Variants in HEATR5A observed in about 807,000 individuals in gnomAD.
HEATR5A encodes HEAT repeat-containing protein 5A.
In HEATR5A, 178 loss-of-function variants were observed where a neutral mutation model predicts 218.8. That is an observed-to-expected ratio of 0.81 (90% CI 0.72 to 0.92). HEATR5A has a LOEUF of 0.92. Ranked by LOEUF, HEATR5A falls within the 40% of genes least tolerant of loss-of-function variation. HEATR5A has a pLI of 0.00. For synonymous variants in HEATR5A, 864 were observed against 871.6 expected (o/e 0.99, Z 0.15); for missense variants, 2,420 against 2,418.9 (o/e 1.00, Z -0.01).
chr14:31,319,062 TC>T (rs1156969348), intron 25 of HEATR5A, among the ~76,000 whole-genome samples: 1 of 152,244 alleles, frequency 6.6e-6, no homozygotes, highest in Non-Finnish European at 1.5e-5. Context: ...TAATTGTATT[TC>T]TAGCACTTGC....
chr14:31,358,842 T>C (rs1433031063), intron 15 of HEATR5A, 30 bp from the exon 16 acceptor site: 2 of 1,609,950 alleles, frequency 1.2e-6, no homozygotes, highest in African/African-American at 2.7e-5. Context: ...TATAAGGTTT[T>C]AAAATCACTG....
At chr14:31,321,383 C>CT in intron 25 of HEATR5A, 116 bp downstream of exon 25, 1 of 684,234 alleles carries the variant, frequency 1.5e-6, no homozygotes, top group Non-Finnish European at 2.3e-6. Flanking sequence ...TCAAAGCTAC[C>CT]TACCCGCCTT....
At chr14:31,307,657 C>G (rs893252126) in intron 30 of HEATR5A, among the ~76,000 whole-genome samples, 14 of 152,164 alleles carry the variant, frequency 9.2e-5, no homozygotes, top group Non-Finnish European at 1.9e-4. Flanking sequence ...AATATAGAAC[C>G]CTCCCATCAT....
At chr14:31,309,765 G>C (rs530074291) in intron 28 of HEATR5A, among the ~76,000 whole-genome samples, 1 of 151,388 alleles carries the variant, frequency 6.6e-6, no homozygotes. Flanking sequence ...GCAGTGGCGT[G>C]ATGTCGGCTC....
intron 4 of HEATR5A, among the ~76,000 whole-genome samples, chr14:31,397,065 T>G (rs189026072): frequency 6.6e-6 from 1 of 152,298 alleles, no homozygotes; most frequent in East Asian, 1.9e-4. Flanking sequence ...CTTCAATCTT[T>G]TAGGAAACTA....
At chr14:31,320,673 T>A (rs1900068081) in intron 25 of HEATR5A, 1 of 543,432 alleles carries the variant, frequency 1.8e-6, no homozygotes, top group Non-Finnish European at 3.4e-6. Flanking sequence ...GTCTCAGCAC[T>A]CAGCTTCCCC....
intron 13 of HEATR5A, among the ~76,000 whole-genome samples, chr14:31,368,554 C>T (rs755698431): frequency 6.6e-6 from 1 of 151,288 alleles, no homozygotes; most frequent in Non-Finnish European, 1.5e-5. Flanking sequence ...TTTTTTGGAA[C>T]TGGGGTCTCA....
intron 6 of HEATR5A, among the ~76,000 whole-genome samples, chr14:31,391,206 G>C (rs2030440311): frequency 6.6e-6 from 1 of 152,156 alleles, no homozygotes; most frequent in African/African-American, 2.4e-5. Context: ...TCAACTCACT[G>C]AAACCTCTGC....
chr14:31,374,074 G>A (rs989639157), intron 12 of HEATR5A, among the ~76,000 whole-genome samples: 1 of 152,044 alleles, frequency 6.6e-6, no homozygotes, highest in African/African-American at 2.4e-5. Flanking sequence ...GGGAGGCTGA[G>A]GTGGGAGGAC....
chr14:31,412,679 T>C (rs542830467), intron 1 of HEATR5A, among the ~76,000 whole-genome samples: 1 of 151,966 alleles, frequency 6.6e-6, no homozygotes, highest in Admixed American at 6.6e-5. Flanking sequence ...TCACCTGAGG[T>C]CAGGAGTTCC....
At chr14:31,315,990 A>C (rs1899899627) in intron 26 of HEATR5A, 41 bp from the exon 27 acceptor site, 4 of 1,452,738 alleles carry the variant, frequency 2.8e-6, no homozygotes, top group Non-Finnish European at 3.7e-6. Context: ...TAAAATTATA[A>C]GTATCTCCCT....
intron 2 of HEATR5A, among the ~76,000 whole-genome samples, chr14:31,401,262 AT>A (rs2139306160): frequency 6.6e-6 from 1 of 152,112 alleles, no homozygotes; most frequent in Non-Finnish European, 1.5e-5. Context: ...AAGGGGGTGG[AT>A]TTCACCCATG....
At chr14:31,408,788 A>G (rs1734007436) in intron 1 of HEATR5A, among the ~76,000 whole-genome samples, 1 of 151,188 alleles carries the variant, frequency 6.6e-6, no homozygotes, top group African/African-American at 2.4e-5. Context: ...CCAGCAGGGC[A>G]CCAATATTCT....
intron 28 of HEATR5A, among the ~76,000 whole-genome samples, chr14:31,311,317 A>C (rs1252558448): frequency 6.6e-6 from 1 of 152,224 alleles, no homozygotes; most frequent in African/African-American, 2.4e-5. Flanking sequence ...TAAAAGGCAA[A>C]ACTGTAAAGC....
At chr14:31,330,861 C>A (rs759249690) in intron 22 of HEATR5A, among the ~76,000 whole-genome samples, 1 of 151,922 alleles carries the variant, frequency 6.6e-6, no homozygotes, top group African/African-American at 2.4e-5. Flanking sequence ...GAATTTCTCC[C>A]CAGAAAATGG....
intron 18 of HEATR5A, among the ~76,000 whole-genome samples, chr14:31,349,560 G>A (rs1901143592): frequency 6.6e-6 from 1 of 152,102 alleles, no homozygotes; most frequent in African/African-American, 2.4e-5. Flanking sequence ...CACTCATATA[G>A]ATTCTGATCT....
At position 31,403,006 on chromosome 14, in the gene HEATR5A, G is replaced by T. The variant is rs2030934218; in HGVS notation, c.-31C>A. On this transcript the variant is annotated 5_prime_UTR_variant, in exon 2 of 36. In the 5' UTR this introduces an upstream ATG that the reference lacks. Transcript: ENST00000543095. ...GCAGCAATCCTCCCAGCTGATCACA[G>T]TTCTTCTCGTTAAACTTTGGTCAAT... The T allele has an allele frequency of 6.6e-7, 1 of 1,524,096 alleles. No homozygotes were observed. 94.4% of individuals were successfully genotyped at this position (1,524,096 alleles called of 1,614,324 possible). A position where few individuals can be genotyped will look rare whatever the true frequency, so the allele number is the denominator to read the frequency against.
chr14:31,362,117 A>ACG (rs1207016176), intron 14 of HEATR5A, among the ~76,000 whole-genome samples: 1 of 152,068 alleles, frequency 6.6e-6, no homozygotes, highest in African/African-American at 2.4e-5. Flanking sequence ...GGCATGTGCC[A>ACG]CCATGCCCAG....
chr14:31,400,465 A>C lies in HEATR5A; in HGVS notation c.174T>G (p.Ser58=). ...GAGGCCCTGGGGAGCTGTTCAACAAAGACAGGAGCTGTTCAACAAGAGTCT... is the reference window on the plus strand; with the variant it reads ...GAGGCCCTGGGGAGCTGTTCAACAACGACAGGAGCTGTTCAACAAGAGTCT... The part of the protein sequence containing the change: ...KQKTLVEQLL[S]LLNSSPGPPT... Residue 58 remains serine (S), a synonymous_variant, in exon 3 of 36, where the codon TCT becomes TCG. Coordinates refer to ENST00000543095, the MANE Select transcript of HEATR5A (RefSeq NM_015473.4). 1 of 1,535,970 alleles carries C rather than the reference A, an allele frequency of 6.5e-7. No homozygotes were observed.
Sources: allele counts gnomAD v4.1 joint callset (sites outside exome capture counted in the v4.1 genomes callset), GRCh38; gene constraint gnomAD v4.1.1; transcripts MANE v1.5; gene names NCBI Gene and HGNC (gene_info 2026-07-23, HGNC 2026-07-21).